The following PSG8 variants were observed in gnomAD, a reference collection of about 807,000 sequenced individuals.
PSG8 encodes pregnancy specific beta-1-glycoprotein 8, also known as pregnancy-specific beta-1-glycoprotein 8.
Under a neutral mutation model 42.5 loss-of-function variants are expected in PSG8, and 57 were observed. That is an observed-to-expected ratio of 1.34 (90% CI 1.08 to 1.67). The LOEUF is 1.67. Ranked by LOEUF, PSG8 falls within the 40% of genes most tolerant of loss-of-function variation. PSG8 has a pLI of 0.00. For synonymous variants in PSG8, 280 were observed against 196.8 expected (o/e 1.42, Z -3.54); for missense variants, 783 against 518.6 (o/e 1.51, Z -4.95).
chr19:42,759,297 A>G (rs1970013601), intron 2 of PSG8, among the ~76,000 whole-genome samples: 1 of 152,136 alleles, frequency 6.6e-6, no homozygotes, highest in South Asian at 2.1e-4. Flanking sequence ...ATCAGAGAGT[A>G]GAATAGGAGT....
Position 42,757,985 on chromosome 19 carries a change from G to T in PSG8, c.709+17C>A. The T allele has an allele frequency of 3.1e-6, 5 of 1,614,040 alleles. No homozygotes were observed. Among genetic ancestry groups the T allele is most frequent in the Non-Finnish European group, 4.2e-6 (5 of 1,179,958 alleles). Reference sequence around the variant, plus strand: ...TGGGATGGCAGCCTGGCTCACAGAGGAACAGAAAATACTCACGGAGGAGAT... The same window carrying T: ...TGGGATGGCAGCCTGGCTCACAGAGTAACAGAAAATACTCACGGAGGAGAT... On this transcript the variant is annotated intron_variant, in intron 3 of 4. Coordinates refer to ENST00000306511, the MANE Select transcript of PSG8 (RefSeq NM_182707.3).
chr19:42,763,865 T>C, intron 2 of PSG8, 51 bp downstream of exon 2: 1 of 1,612,992 alleles, frequency 6.2e-7, no homozygotes, highest in South Asian at 1.1e-5. Flanking sequence ...GTGTGTGAAG[T>C]AGAAGTGACC....
Position 42,755,361 on chromosome 19 carries a change from C to G in PSG8, c.710-95G>C, listed in dbSNP as rs1004399091. Reference sequence around the variant, plus strand: ...AGAGTTGGCATCTCCCACTTCTCAGCCCACCCGAGTCCTTGAAAGCCAATA... The same window carrying G: ...AGAGTTGGCATCTCCCACTTCTCAGGCCACCCGAGTCCTTGAAAGCCAATA... On this transcript the variant is annotated intron_variant, in intron 3 of 4. Transcript: ENST00000306511. 314 of 1,562,808 alleles carry G rather than the reference C, an allele frequency of 2.0e-4. 1 individual carries two copies. The highest frequency in any genetic ancestry group is 2.6e-4 in the Non-Finnish European group (300 of 1,155,962).
Position 42,754,362 on chromosome 19 carries a change from C to A in PSG8, c.1214G>T (p.Ser405Ile), listed in dbSNP as rs200488282. 422 of 1,613,802 alleles carry A rather than the reference C, an allele frequency of 2.6e-4. 6 individuals carry two copies. The highest frequency in any genetic ancestry group is 6.6e-4 in the Middle Eastern group (4 of 6,046). Residue 405 changes from serine (S) to isoleucine (I), a missense_variant, in exon 5 of 5, where the codon AGC becomes ATC. Coordinates refer to ENST00000306511, the MANE Select transcript of PSG8 (RefSeq NM_182707.3). ...SVRNSATGKESSKSMTVKVSG... is the reference protein window; with the variant it reads ...SVRNSATGKEISKSMTVKVSG... ...GACTTTTACTGTCATGGATTTGGAG[C>A]TTTCCTTGCCAGTGGCTGAGTTACG...
chr19:42,759,015 G>A (rs1245694339), intron 2 of PSG8: 8 of 152,604 alleles, frequency 5.2e-5, no homozygotes, highest in Admixed American at 5.2e-4. Context: ...CTGGATCCAT[G>A]ATGCTCCCTT....
rs560183732 is a variant in PSG8 at position 42,763,833 on chromosome 19, T to A, written c.430+83A>T. 385 of 1,602,840 alleles carry A rather than the reference T, an allele frequency of 2.4e-4. 2 individuals carry two copies. The highest frequency in any genetic ancestry group is 1.7e-3 in the Middle Eastern group (10 of 5,994). ...ATAATGCAGAGAGGGACACAGGCAA[T>A]GTCCAGGCCTGACAATCCTGTGTGT... On this transcript the variant is annotated intron_variant, in intron 2 of 4. Coordinates refer to ENST00000306511, the MANE Select transcript of PSG8 (RefSeq NM_182707.3).
rs1288395334 is a variant in PSG8 at position 42,764,275 on chromosome 19, A to C, written c.71T>G (p.Leu24Arg). 1.2e-6 allele frequency: 2 copies of C among 1,612,536 alleles called. No homozygotes were observed. The highest frequency in any genetic ancestry group is 1.7e-6 in the Non-Finnish European group (2 of 1,179,252). ...CGTGGGTGGGTTCCAGAAGTTTAAA[A>C]GTGATGCTAGGAGGTGGAGAGAGCA... Reference protein sequence around the residue: ...TWKGLLLTASLLNFWNPPTTA... With the variant: ...TWKGLLLTASRLNFWNPPTTA... Residue 24 changes from leucine (L) to arginine (R), a missense_variant, in exon 2 of 5, where the codon CTT (leucine) becomes CGT (arginine). Leu to Arg is a moderately radical substitution (Grantham distance 102). Transcript: ENST00000306511.
chr19:42,754,881 A>T, intron 4 of PSG8, 107 bp downstream of exon 4: 1 of 1,559,356 alleles, frequency 6.4e-7, no homozygotes, highest in Non-Finnish European at 8.6e-7. Flanking sequence ...GGATGTCCAG[A>T]AGTGAAGGTG....
intron 3 of PSG8, chr19:42,755,512 T>C: frequency 2.4e-6 from 2 of 833,000 alleles, no homozygotes; most frequent in Non-Finnish European, 1.8e-6. Flanking sequence ...TGTTGGGTCA[T>C]GGACAGACAC....
intron 2 of PSG8, among the ~76,000 whole-genome samples, chr19:42,759,708 A>G (rs1001154369): frequency 5.3e-5 from 8 of 152,134 alleles, no homozygotes; most frequent in African/African-American, 1.2e-4. Context: ...ACCTCATGTT[A>G]TGTTCTGACT....
chr19:42,754,767 G>C lies in PSG8; in HGVS notation c.989-180C>G, dbSNP rs1299048593. On this transcript the variant is annotated intron_variant, in intron 4 of 4. Coordinates refer to ENST00000306511, the MANE Select transcript of PSG8 (RefSeq NM_182707.3). ...TCACCTGTTTCTCCCATCACAAGCT[G>C]TGGGCCCCAAGTCTCCCATGACAAG... 6 of 1,380,232 alleles carry C rather than the reference G, an allele frequency of 4.3e-6. No individual in the cohort carries two copies. In the African/African-American group the frequency reaches 5.9e-5, roughly 14 times the overall value. 85.5% of individuals were successfully genotyped at this position (1,380,232 alleles called of 1,614,324 possible). A position where few individuals can be genotyped will look rare whatever the true frequency, so the allele number is the denominator to read the frequency against.
intron 1 of PSG8, among the ~76,000 whole-genome samples, 173 bp downstream of exon 1, chr19:42,765,345 G>C (rs1970189888): frequency 6.6e-6 from 1 of 151,894 alleles, no homozygotes; most frequent in African/African-American, 2.4e-5. Flanking sequence ...GTAGAGACAG[G>C]GCTTCACTGT....
chr19:42,757,437 T>G, intron 3 of PSG8, among the ~76,000 whole-genome samples: 1 of 151,924 alleles, frequency 6.6e-6, no homozygotes, highest in Non-Finnish European at 1.5e-5. Context: ...TTTAGTGATT[T>G]GGGGGATAAA....
chr19:42,756,396 A>ATGCC (rs1197511802), intron 3 of PSG8, among the ~76,000 whole-genome samples: 2 of 152,162 alleles, frequency 1.3e-5, no homozygotes, highest in African/African-American at 4.8e-5. Flanking sequence ...GTAGAGCTTG[A>ATGCC]TGCCTATAGT....
chr19:42,755,347 C>T (rs1326798839), intron 3 of PSG8, 81 bp from the exon 4 acceptor site: 12 of 1,574,552 alleles, frequency 7.6e-6, no homozygotes, highest in Non-Finnish European at 3.4e-6. Flanking sequence ...GAGTTGGCAT[C>T]TCCCACTTCT....
intron 2 of PSG8, among the ~76,000 whole-genome samples, chr19:42,760,628 G>A (rs1414993298): frequency 1.3e-5 from 2 of 151,922 alleles, no homozygotes; most frequent in African/African-American, 2.4e-5. Context: ...TGTCACCCTG[G>A]CTGGAGTGCA....
chr19:42,765,535 T>G lies in PSG8; in HGVS notation c.47A>C (p.Lys16Thr), dbSNP rs1010143443. Residue 16 changes from lysine to threonine, a missense_variant, in exon 1 of 5, where the codon AAG becomes ACG. Lys to Thr is a moderately conservative substitution (Grantham distance 78, BLOSUM62 -1). Coordinates refer to ENST00000306511, the MANE Select transcript of PSG8 (RefSeq NM_182707.3). ...APPCTQRITW[K>T]GLLLTASLLN... ...CTCCTCACCTGTGAGCAGGAGCCCC[T>G]TCCAGGTGATGCGCTGTGTGCAGGG... 14 of 1,611,130 alleles carry G rather than the reference T, an allele frequency of 8.7e-6. No homozygotes were observed. Among genetic ancestry groups the G allele is most frequent in the Non-Finnish European group, 1.2e-5 (14 of 1,178,156 alleles).
At chr19:42,754,670 C>A in intron 4 of PSG8, 83 bp from the exon 5 acceptor site, 8 of 1,492,350 alleles carry the variant, frequency 5.4e-6, no homozygotes, top group Non-Finnish European at 7.2e-6. Flanking sequence ...CACAGTGACC[C>A]TCTGAGCCAA....
intron 2 of PSG8, among the ~76,000 whole-genome samples, chr19:42,761,995 G>C (rs998930234): frequency 1.3e-5 from 2 of 151,986 alleles, no homozygotes; most frequent in African/African-American, 4.8e-5. Context: ...CATTCTCTTA[G>C]TGACCTGGGG....
Sources: gnomAD v4.1 joint callset for allele counts (sites outside exome capture counted in the v4.1 genomes callset) on GRCh38, gnomAD v4.1.1 for gene constraint, MANE v1.5 for transcripts, NCBI Gene and HGNC (gene_info 2026-07-23, HGNC 2026-07-21) for gene names.